The following PTCHD1 variants were observed in gnomAD, a reference collection of about 807,000 sequenced individuals.
The protein encoded by PTCHD1 is patched domain containing 1.
PTCHD1 carries 3 observed loss-of-function variants against 34.6 expected under a neutral mutation model. That is an observed-to-expected ratio of 0.09 (90% CI 0.04 to 0.22). The LOEUF is 0.22. Among genes scored for constraint, PTCHD1 ranks in the 10% least tolerant of loss-of-function variants. The pLI is 1.00. For missense variants in PTCHD1, 504 were observed against 685.5 expected, an observed-to-expected ratio of 0.74 and a Z score of 2.96; for synonymous variants, 305 against 283.1, an observed-to-expected ratio of 1.08 and a Z score of -0.77.
rs940617734 is a variant in PTCHD1 at position 23,400,009 on chromosome X, A to C, written c.*5824A>C. The C allele has an allele frequency of 3.6e-5, 4 of 112,313 alleles. No homozygotes were observed. The highest frequency in any genetic ancestry group is 7.5e-5 in the Non-Finnish European group (4 of 53,301). The allele number at this position is 112,313 out of a possible 1,213,427, so 9.3% of individuals were successfully genotyped here. On this transcript the variant is annotated 3_prime_UTR_variant, in exon 3 of 3. Transcript: ENST00000379361. ...TATGCTGTTTACAACTGCATACCAC[A>C]TCCTTAGAAGGCCTGCTCCCAAATG...
At position 23,394,396 on chromosome X, in the gene PTCHD1, T is replaced by TCA. The variant is rs1205306011; in HGVS notation, c.*220_*221dup. 1.8e-4 allele frequency: 44 copies of TCA among 251,142 alleles called. No homozygotes were observed. The African/African-American group carries it at 1.8e-3, about 10-fold the overall frequency. 20.7% of individuals were successfully genotyped at this position (251,142 alleles called of 1,213,427 possible). ...AAAACAAAGGAGTTGTTATGAGAAT[T>TCA]CACACACACATAGACACACACACAC... On this transcript the variant is annotated 3_prime_UTR_variant, in exon 3 of 3. Coordinates refer to ENST00000379361, the MANE Select transcript of PTCHD1 (RefSeq NM_173495.3).
chrX:23,376,313 T>G (rs919134697), intron 1 of PTCHD1, among the ~76,000 whole-genome samples: 1 of 112,413 alleles, frequency 8.9e-6, no homozygotes, highest in African/African-American at 3.2e-5. Context: ...TTCCTTCGTT[T>G]TCTTTTCTGA....
intron 1 of PTCHD1, among the ~76,000 whole-genome samples, chrX:23,354,392 G>T (rs1921737444): frequency 9.6e-6 from 1 of 104,380 alleles, no homozygotes; most frequent in Admixed American, 1.0e-4. Context: ...AAGTTCAGTT[G>T]TTTGTGCCAT....
At chrX:23,335,676 C>T (rs191213993) in intron 1 of PTCHD1, among the ~76,000 whole-genome samples, 419 of 111,847 alleles carry the variant, frequency 3.7e-3, no homozygotes, top group African/African-American at 0.013. Flanking sequence ...TTTTGTTTCT[C>T]CCTTTTTCTG....
intron 1 of PTCHD1, among the ~76,000 whole-genome samples, chrX:23,353,995 C>T (rs111766636): frequency 0.088 from 9,776 of 111,089 alleles, 341 homozygotes; most frequent in South Asian, 0.11. Context: ...TTCTGGGACG[C>T]TTTTTAAAAT....
rs777193274 is a variant in PTCHD1 at position 23,339,877 on chromosome X, C to T, written c.351+4651C>T. ...TTTGCTATCTGTACATTCAAAGTTC[C>T]TATGTTGTATTCTAAAATGTCATTA... On this transcript the variant is annotated intron_variant, in intron 1 of 2. Coordinates refer to ENST00000379361, the MANE Select transcript of PTCHD1 (RefSeq NM_173495.3). Among the ~76,000 whole-genome samples, 75 of 112,578 alleles carry T rather than the reference C, an allele frequency of 6.7e-4. 1 individual carries two copies. Among genetic ancestry groups the T allele is most frequent in the Non-Finnish European group, 3.9e-4 (21 of 53,336 alleles).
intron 2 of PTCHD1, among the ~76,000 whole-genome samples, chrX:23,381,769 G>A (rs1309241443): frequency 8.9e-6 from 1 of 111,737 alleles, no homozygotes; most frequent in Non-Finnish European, 1.9e-5. Context: ...AGAGAAGAAG[G>A]CTGCCGTACC....
At chrX:23,389,155 A>G (rs1226894040) in intron 2 of PTCHD1, among the ~76,000 whole-genome samples, 1 of 111,982 alleles carries the variant, frequency 8.9e-6, no homozygotes, top group African/African-American at 3.2e-5. Flanking sequence ...ATTTAAAAGG[A>G]TACCCTTGAA....
At chrX:23,366,950 ACACC>A (rs1220705389) in intron 1 of PTCHD1, among the ~76,000 whole-genome samples, 2 of 107,795 alleles carry the variant, frequency 1.9e-5, no homozygotes, top group African/African-American at 6.9e-5. Context: ...ACACACACAC[ACACC>A]CCTGCATCCC....
At chrX:23,351,478 A>G in intron 1 of PTCHD1, 1 of 487,863 alleles carries the variant, frequency 2.0e-6, no homozygotes, top group Non-Finnish European at 3.7e-6. Context: ...TTTTTAATGG[A>G]TTCTGAAATT....
At chrX:23,351,552 G>A (rs2146616993) in intron 1 of PTCHD1, 2 of 279,684 alleles carry the variant, frequency 7.2e-6, no homozygotes, top group Non-Finnish European at 1.3e-5. Context: ...ATGAAACCTA[G>A]GTTTAAAAAC....
At chrX:23,381,674 A>G (rs1345740961) in intron 2 of PTCHD1, among the ~76,000 whole-genome samples, 2 of 112,051 alleles carry the variant, frequency 1.8e-5, no homozygotes, top group Admixed American at 9.4e-5. Context: ...AACATATACT[A>G]GTAGCTTTTG....
At chrX:23,340,776 T>G (rs1270797600) in intron 1 of PTCHD1, among the ~76,000 whole-genome samples, 2 of 112,298 alleles carry the variant, frequency 1.8e-5, no homozygotes. Flanking sequence ...TGACAGGTGC[T>G]ATGAAGCCTT....
At chrX:23,363,980 A>G (rs777687108) in intron 1 of PTCHD1, among the ~76,000 whole-genome samples, 1 of 112,590 alleles carries the variant, frequency 8.9e-6, no homozygotes, top group African/African-American at 3.2e-5. Context: ...GGAAAAGTAA[A>G]TTGTGGTATT....
chrX:23,358,122 G>A (rs897785720), intron 1 of PTCHD1, among the ~76,000 whole-genome samples: 1 of 111,498 alleles, frequency 9.0e-6, no homozygotes, highest in Non-Finnish European at 1.9e-5. Context: ...TAAACATACG[G>A]GTGCATGTGT....
At chrX:23,380,831 C>T (rs1321036064) in intron 2 of PTCHD1, among the ~76,000 whole-genome samples, 4 of 111,409 alleles carry the variant, frequency 3.6e-5, no homozygotes, top group African/African-American at 9.8e-5. Flanking sequence ...CCCACAGACC[C>T]TTTGTGATTC....
chrX:23,364,820 G>A (rs1427853674), intron 1 of PTCHD1, among the ~76,000 whole-genome samples: 4 of 112,722 alleles, frequency 3.5e-5, no homozygotes, highest in Non-Finnish European at 7.5e-5. Context: ...GACCTTACCT[G>A]TTGAGATGAT....
At chrX:23,338,932 A>G (rs1189561066) in intron 1 of PTCHD1, among the ~76,000 whole-genome samples, 1 of 112,077 alleles carries the variant, frequency 8.9e-6, no homozygotes, top group African/African-American at 3.2e-5. Flanking sequence ...AGAAACTCCA[A>G]ATACCCAAAG....
intron 1 of PTCHD1, among the ~76,000 whole-genome samples, chrX:23,352,535 G>T (rs1267613450): frequency 8.9e-6 from 1 of 111,814 alleles, no homozygotes; most frequent in East Asian, 2.8e-4. Flanking sequence ...TTAACTCCGA[G>T]AATTATTTGG....
Sources: gnomAD v4.1 joint callset for allele counts (sites outside exome capture counted in the v4.1 genomes callset) on GRCh38, gnomAD v4.1.1 for gene constraint, MANE v1.5 for transcripts, NCBI Gene and HGNC (gene_info 2026-07-23, HGNC 2026-07-21) for gene names.